PIK3CB: variants seen among roughly 807,000 people sequenced by gnomAD.
The protein encoded by PIK3CB is phosphatidylinositol 4,5-bisphosphate 3-kinase catalytic subunit beta isoform.
A neutral mutation model predicts 136.8 loss-of-function variants in PIK3CB; 39 were observed. That is an observed-to-expected ratio of 0.29 (90% CI 0.22 to 0.37). The LOEUF is 0.37. Ranked by LOEUF, PIK3CB falls within the 10% of genes least tolerant of loss-of-function variation. The pLI is 1.00. For synonymous variants in PIK3CB, 428 were observed against 436.6 expected (o/e 0.98, Z 0.25); for missense variants, 868 against 1,275.4 (o/e 0.68, Z 4.87).
chr3:138,768,004 T>C (rs1050752363), intron 2 of PIK3CB, among the ~76,000 whole-genome samples: 15 of 152,190 alleles, frequency 9.9e-5, no homozygotes, highest in Non-Finnish European at 2.1e-4. Flanking sequence ...GTCCCAAGAA[T>C]GAAGTACGCA....
chr3:138,817,129 G>A (rs1933372718), intron 1 of PIK3CB, among the ~76,000 whole-genome samples: 1 of 151,920 alleles, frequency 6.6e-6, no homozygotes, highest in African/African-American at 2.4e-5. Context: ...ACGAGGTCTG[G>A]AGATCGAGAC....
chr3:138,789,699 CTT>C (rs71626079), intron 2 of PIK3CB, among the ~76,000 whole-genome samples: 5 of 145,412 alleles, frequency 3.4e-5, no homozygotes, highest in Non-Finnish European at 3.0e-5. Context: ...ATTATTCAGC[CTT>C]TTTTTTTTTT....
At chr3:138,689,361 G>A (rs905242118) in intron 15 of PIK3CB, among the ~76,000 whole-genome samples, 12 of 152,176 alleles carry the variant, frequency 7.9e-5, no homozygotes, top group Admixed American at 2.0e-4. Context: ...TTTCTGGCTC[G>A]AATGTGGATG....
At chr3:138,811,465 G>A (rs2108871391) in intron 1 of PIK3CB, among the ~76,000 whole-genome samples, 1 of 146,266 alleles carries the variant, frequency 6.8e-6, no homozygotes, top group African/African-American at 2.5e-5. Flanking sequence ...TCACTTTGAT[G>A]CCTAGGCTGG....
chr3:138,801,345 G>C (rs889158271), intron 1 of PIK3CB, among the ~76,000 whole-genome samples: 45 of 152,236 alleles, frequency 3.0e-4, no homozygotes, highest in African/African-American at 1.1e-3. Context: ...TGTGCTTCTG[G>C]ATCATGCCAC....
In PIK3CB at chr3:138,656,123, A is replaced by T; in HGVS notation, c.3075+19T>A. On this transcript the variant is annotated intron_variant, in intron 23 of 23. Transcript: ENST00000674063. ...CAATGCCCACAAAGTCCAAGAGAGA[A>T]GGAAAAGTGGTTTTATACCTTAAGA... The T allele has an allele frequency of 1.2e-6, 2 of 1,613,288 alleles. No individual in the cohort carries two copies. The highest frequency in any genetic ancestry group is 1.7e-6 in the Non-Finnish European group (2 of 1,179,504).
intron 8 of PIK3CB, among the ~76,000 whole-genome samples, chr3:138,717,404 C>G (rs2044634367): frequency 6.6e-6 from 1 of 151,768 alleles, no homozygotes; most frequent in Non-Finnish European, 1.5e-5. Flanking sequence ...TTAAATAGCC[C>G]AGAAAGTATT....
At chr3:138,689,015 A>G (rs200347196) in intron 15 of PIK3CB, 41 bp from the exon 16 acceptor site, 2 of 1,201,194 alleles carry the variant, frequency 1.7e-6, no homozygotes, top group African/African-American at 3.0e-5. Context: ...TGTTTATCAA[A>G]CACTTCAGAT....
rs576188072 is a variant in PIK3CB at position 138,705,191 on chromosome 3, A to C, written c.1531-698T>G. Among the ~76,000 whole-genome samples, 295 of 93,494 alleles carry C rather than the reference A, an allele frequency of 3.2e-3. 16 individuals are homozygous for C. The highest frequency in any genetic ancestry group is 0.015 in the African/African-American group (285 of 18,692). 61.3% of individuals were successfully genotyped at this position (93,494 alleles called of 152,430 possible). On this transcript the variant is annotated intron_variant, in intron 11 of 23. Coordinates refer to ENST00000674063, the MANE Select transcript of PIK3CB (RefSeq NM_006219.3). ...AAAAAAAACAAAAAACAAAACAAAC[A>C]AAAAAAAAAACTTATATTTGCAAAT...
intron 11 of PIK3CB, among the ~76,000 whole-genome samples, chr3:138,705,199 A>AAAAAAAAAAAC (rs1559828867): frequency 7.0e-6 from 1 of 143,256 alleles, no homozygotes; most frequent in Admixed American, 7.2e-5. Context: ...ACAAAAAAAA[A>AAAAAAAAAAAC]AACTTATATT....
intron 3 of PIK3CB, among the ~76,000 whole-genome samples, chr3:138,758,463 G>A (rs901914029): frequency 1.3e-5 from 2 of 152,138 alleles, no homozygotes; most frequent in African/African-American, 4.8e-5. Flanking sequence ...ACTTGTCACT[G>A]GTGACTATAA....
At chr3:138,678,336 A>T (rs2043692310) in intron 19 of PIK3CB, among the ~76,000 whole-genome samples, 1 of 152,140 alleles carries the variant, frequency 6.6e-6, no homozygotes, top group South Asian at 2.1e-4. Context: ...AGTGCACTCA[A>T]GCGTGGGTAA....
At chr3:138,772,119 T>A (rs540805161) in intron 2 of PIK3CB, among the ~76,000 whole-genome samples, 2 of 152,108 alleles carry the variant, frequency 1.3e-5, no homozygotes, top group Non-Finnish European at 2.9e-5. Flanking sequence ...TTTAAAATCA[T>A]GTTTATCAAG....
At chr3:138,762,691 G>C (rs2045678684) in intron 2 of PIK3CB, among the ~76,000 whole-genome samples, 1 of 152,126 alleles carries the variant, frequency 6.6e-6, no homozygotes. Context: ...AGGTAGGGTG[G>C]CTCAGCCTAT....
At chr3:138,808,510 G>A (rs747805098) in intron 1 of PIK3CB, among the ~76,000 whole-genome samples, 8 of 151,958 alleles carry the variant, frequency 5.3e-5, no homozygotes, top group Admixed American at 2.0e-4. Context: ...ACAAAGTAGT[G>A]TGTCTCTACA....
chr3:138,750,529 G>A (rs557257178), intron 4 of PIK3CB, among the ~76,000 whole-genome samples: 1 of 152,156 alleles, frequency 6.6e-6, no homozygotes, highest in Non-Finnish European at 1.5e-5. Context: ...TCTGACAGGA[G>A]GCGAAGTTCA....
At chr3:138,714,854 G>A in intron 8 of PIK3CB, 135 bp from the exon 9 acceptor site, 1 of 788,248 alleles carries the variant, frequency 1.3e-6, no homozygotes, top group East Asian at 2.7e-5. Flanking sequence ...ACTGGAAGAA[G>A]AAACATGCCA....
intron 19 of PIK3CB, 89 bp from the exon 20 acceptor site, chr3:138,665,292 G>T: frequency 9.9e-7 from 1 of 1,006,858 alleles, no homozygotes. Context: ...TTTAAAAAAA[G>T]TTTTATTATT....
At chr3:138,675,424 C>A (rs1382997005) in intron 19 of PIK3CB, among the ~76,000 whole-genome samples, 3 of 151,922 alleles carry the variant, frequency 2.0e-5, no homozygotes, top group Non-Finnish European at 4.4e-5. Context: ...GGAAACTCCC[C>A]AAATTTTATG....
Sources: gnomAD v4.1 joint callset for allele counts (sites outside exome capture counted in the v4.1 genomes callset) on GRCh38, gnomAD v4.1.1 for gene constraint, MANE v1.5 for transcripts, NCBI Gene and HGNC (gene_info 2026-07-23, HGNC 2026-07-21) for gene names.